Variants in SLCO3A1 observed in about 807,000 individuals in gnomAD.
The protein encoded by SLCO3A1 is PGE1 transporter.
SLCO3A1 carries 27 observed loss-of-function variants against 63.1 expected under a neutral mutation model. That is an observed-to-expected ratio of 0.43 (90% confidence interval 0.32 to 0.59). The LOEUF (loss-of-function observed/expected upper bound fraction) is 0.59, where lower values mean the gene tolerates loss of function less well. Ranked by LOEUF, SLCO3A1 falls within the 20% of genes least tolerant of loss-of-function variation. SLCO3A1 has a pLI of 0.09. For missense variants in SLCO3A1, 773 were observed against 945.8 expected (o/e 0.82, Z 2.40); for synonymous variants, 473 against 409.9 (o/e 1.15, Z -1.86).
rs1025724154 is a variant in SLCO3A1 at position 91,941,131 on chromosome 15, A to G, written c.646+24673A>G. Among the ~76,000 whole-genome samples the G allele has an allele frequency of 6.6e-6, 1 of 152,210 alleles. No homozygotes were observed. Among genetic ancestry groups the G allele is most frequent in the African/African-American group, 2.4e-5 (1 of 41,450 alleles). On this transcript the variant is annotated intron_variant, in intron 2 of 9. Coordinates refer to ENST00000318445, the MANE Select transcript of SLCO3A1 (RefSeq NM_013272.4). The surrounding 1 kb of genome is among the most constrained non-coding windows in gnomAD (Gnocchi z 4.4). ...AATTAGAGGTTGTTAGGCAGCTACA[A>G]TGGGAAATTAATTCTGTAGGCTCCC...
chr15:92,051,874 G>T (rs2046962162), intron 2 of SLCO3A1, among the ~76,000 whole-genome samples: 1 of 152,184 alleles, frequency 6.6e-6, no homozygotes, highest in African/African-American at 2.4e-5. Flanking sequence ...GATGCTCTTT[G>T]TAATTCTACA....
At chr15:92,098,953 G>C (rs2047571934) in intron 3 of SLCO3A1, among the ~76,000 whole-genome samples, 1 of 152,222 alleles carries the variant, frequency 6.6e-6, no homozygotes, top group Non-Finnish European at 1.5e-5. Context: ...GGATAGAGCA[G>C]GGATTCATCC....
rs574684426 is a variant in SLCO3A1 at position 92,048,290 on chromosome 15, C to T, written c.647-46591C>T. Among the ~76,000 whole-genome samples the T allele has an allele frequency of 3.2e-4, 49 of 152,120 alleles. 1 individual carries two copies. Among genetic ancestry groups the T allele is most frequent in the Admixed American group, 8.5e-4 (13 of 15,266 alleles). ...CTGATAGAGGTGAGTTTGCTGTACC[C>T]CCATCGGACTCTGAAATTGTGCTGC... is the stretch of plus-strand genomic sequence containing the variant. On this transcript the variant is annotated intron_variant, in intron 2 of 9. Coordinates refer to ENST00000318445, the MANE Select transcript of SLCO3A1 (RefSeq NM_013272.4).
rs977048967 is a variant in SLCO3A1 at position 91,939,625 on chromosome 15, G to T, written c.646+23167G>T. 1.1e-4 allele frequency among the ~76,000 whole-genome samples: 17 copies of T among 152,124 alleles called. 1 individual carries two copies. Among genetic ancestry groups the T allele is most frequent in the Admixed American group, 8.5e-4 (13 of 15,282 alleles). On this transcript the variant is annotated intron_variant, in intron 2 of 9. Transcript: ENST00000318445. The stretch of plus-strand genomic sequence containing the variant: ...CCTAATGAAGTGTTTCATGGGTCCT[G>T]CATGAAGGTCAGCAGGCAGTGACAG...
intron 2 of SLCO3A1, among the ~76,000 whole-genome samples, chr15:91,934,457 T>C (rs1357601390): frequency 1.3e-5 from 2 of 152,178 alleles, no homozygotes; most frequent in South Asian, 4.1e-4. Context: ...TTTTAATGAT[T>C]TTAGAATAAA....
intron 7 of SLCO3A1, among the ~76,000 whole-genome samples, chr15:92,134,383 G>A (rs977492251): frequency 1.3e-5 from 2 of 152,270 alleles, no homozygotes; most frequent in African/African-American, 4.8e-5. Flanking sequence ...CCTCTGCTAG[G>A]CATTGTAAGT....
At chr15:92,088,814 T>C (rs183137133) in intron 2 of SLCO3A1, among the ~76,000 whole-genome samples, 1 of 152,144 alleles carries the variant, frequency 6.6e-6, no homozygotes, top group African/African-American at 2.4e-5. Flanking sequence ...TAAAAGATCC[T>C]TGTGATAAGA....
At chr15:91,978,636 C>T (rs1901212347) in intron 2 of SLCO3A1, among the ~76,000 whole-genome samples, 1 of 152,186 alleles carries the variant, frequency 6.6e-6, no homozygotes, top group Non-Finnish European at 1.5e-5. Flanking sequence ...ATGCATGTGC[C>T]TTAGAATTTT....
intron 2 of SLCO3A1, among the ~76,000 whole-genome samples, chr15:92,025,594 T>G (rs963326598): frequency 2.0e-5 from 3 of 152,208 alleles, no homozygotes; most frequent in Non-Finnish European, 4.4e-5. Flanking sequence ...TTGTGACAAC[T>G]CTACAAGGCA....
intron 2 of SLCO3A1, among the ~76,000 whole-genome samples, chr15:91,973,882 C>T (rs1003900578): frequency 6.6e-6 from 1 of 152,204 alleles, no homozygotes; most frequent in Non-Finnish European, 1.5e-5. Flanking sequence ...TGAAAAGTTA[C>T]AAACTATATC....
intron 2 of SLCO3A1, among the ~76,000 whole-genome samples, chr15:91,929,930 GTCCATTCATCT>G (rs1899165615): frequency 1.3e-5 from 2 of 152,120 alleles, no homozygotes; most frequent in African/African-American, 2.4e-5. Flanking sequence ...TATTTTGTTT[GTCCATTCATCT>G]ATGAATGGAC....
chr15:91,915,748 G>GA (rs1038255173), intron 1 of SLCO3A1, among the ~76,000 whole-genome samples: 14 of 152,136 alleles, frequency 9.2e-5, no homozygotes, highest in African/African-American at 2.2e-4. Context: ...ACAGGTGCCA[G>GA]AAAAAACATT....
chr15:92,035,539 G>A (rs1450916281), intron 2 of SLCO3A1, among the ~76,000 whole-genome samples: 1 of 151,756 alleles, frequency 6.6e-6, no homozygotes, highest in Non-Finnish European at 1.5e-5. Context: ...TTTGCTTCCT[G>A]TTGCCCCCTT....
At chr15:92,103,173 C>G (rs1004321161) in intron 3 of SLCO3A1, among the ~76,000 whole-genome samples, 2 of 152,166 alleles carry the variant, frequency 1.3e-5, no homozygotes, top group Non-Finnish European at 2.9e-5. Flanking sequence ...AGCTGTCCAT[C>G]CATCTGGTCC....
chr15:91,931,788 A>AACACACACACATACAC (rs1555450768), intron 2 of SLCO3A1, among the ~76,000 whole-genome samples: 1 of 144,130 alleles, frequency 6.9e-6, no homozygotes, highest in Non-Finnish European at 1.5e-5. Flanking sequence ...TAAGTGTGGA[A>AACACACACACATACAC]ACACACACAC....
Position 91,894,299 on chromosome 15 carries a change from C to T in SLCO3A1, c.181-21694C>T, listed in dbSNP as rs925702133. On this transcript the variant is annotated intron_variant, in intron 1 of 9. Transcript: ENST00000318445. The surrounding 1 kb of genome is among the most constrained non-coding windows in gnomAD (Gnocchi z 4.8). ...GAGGGTCCGGAGTTAGGATTTTATT[C>T]CAGGCCCATGGGGAGCCATTGGAAA... Among the ~76,000 whole-genome samples, 1 of 152,070 alleles carries T rather than the reference C, an allele frequency of 6.6e-6. No individual in the cohort carries two copies. The highest frequency in any genetic ancestry group is 1.5e-5 in the Non-Finnish European group (1 of 68,014).
chr15:92,030,626 G>A (rs1349943878), intron 2 of SLCO3A1, among the ~76,000 whole-genome samples: 1 of 152,140 alleles, frequency 6.6e-6, no homozygotes, highest in Non-Finnish European at 1.5e-5. Flanking sequence ...GAATCTTCAG[G>A]TCATCTTTTC....
At chr15:92,030,211 C>T (rs993336626) in intron 2 of SLCO3A1, among the ~76,000 whole-genome samples, 2 of 152,218 alleles carry the variant, frequency 1.3e-5, no homozygotes, top group Admixed American at 6.5e-5. Flanking sequence ...TCAAAAGCTA[C>T]GTGTTAGACA....
chr15:92,114,435 T>A, intron 4 of SLCO3A1, among the ~76,000 whole-genome samples: 1 of 152,170 alleles, frequency 6.6e-6, no homozygotes, highest in African/African-American at 2.4e-5. Flanking sequence ...TGGTCCCACG[T>A]GGCTTCTGGC....
Sources: allele counts gnomAD v4.1 joint callset (sites outside exome capture counted in the v4.1 genomes callset), GRCh38; gene constraint gnomAD v4.1.1; non-coding constraint Gnocchi (gnomAD v3.1); transcripts MANE v1.5; gene names NCBI Gene and HGNC (gene_info 2026-07-23, HGNC 2026-07-21).